Variants in EIF2AK2 observed in about 807,000 individuals in gnomAD.
EIF2AK2 encodes the protein interferon-induced, double-stranded RNA-activated protein kinase.
In EIF2AK2, 40 loss-of-function variants were observed where a neutral mutation model predicts 70.5. The observed-to-expected ratio is 0.57, with a 90% CI of 0.44 to 0.74. The LOEUF (loss-of-function observed/expected upper bound fraction) is 0.74. Ranked by LOEUF, EIF2AK2 falls within the 30% of genes least tolerant of loss-of-function variation. The probability of loss-of-function intolerance (pLI) is 0.00; values close to 1 mark genes in which losing one functional copy is unlikely to be tolerated. For missense variants in EIF2AK2, 555 were observed against 644.3 expected, an observed-to-expected ratio of 0.86 and a Z score of 1.50; for synonymous variants, 198 against 220.9, an observed-to-expected ratio of 0.90 and a Z score of 0.92.
chr2:37,123,657 CA>C (rs1674632562), intron 11 of EIF2AK2, among the ~76,000 whole-genome samples: 1 of 152,164 alleles, frequency 6.6e-6, no homozygotes, highest in South Asian at 2.1e-4. Context: ...CACATTTAGG[CA>C]GCAAGGCTAG....
intron 1 of EIF2AK2, among the ~76,000 whole-genome samples, chr2:37,152,801 T>G (rs537414254): frequency 5.3e-5 from 8 of 152,354 alleles, no homozygotes; most frequent in Non-Finnish European, 7.3e-5. Flanking sequence ...TTGAACATCT[T>G]GAACGAACTT....
chr2:37,149,392 T>C, intron 1 of EIF2AK2: 2 of 524,886 alleles, frequency 3.8e-6, no homozygotes, highest in Non-Finnish European at 6.7e-6. Context: ...GATTGTCAAA[T>C]GACAAAGATT....
At chr2:37,115,659 T>C (rs1674317209) in intron 13 of EIF2AK2, among the ~76,000 whole-genome samples, 1 of 152,122 alleles carries the variant, frequency 6.6e-6, no homozygotes, top group East Asian at 1.9e-4. Flanking sequence ...CAGACATCCT[T>C]AAGATCCCTT....
Position 37,149,093 on chromosome 2 carries a change from G to A in EIF2AK2, c.-183-70C>T, listed in dbSNP as rs557080104. Reference sequence around the variant, plus strand: ...GTTCAGACAGACGAGTGATACCAGCGAAGACTAAGGTCTATGATAGCCAGG... The same window carrying A: ...GTTCAGACAGACGAGTGATACCAGCAAAGACTAAGGTCTATGATAGCCAGG... On this transcript the variant is annotated intron_variant, in intron 1 of 16. Coordinates refer to ENST00000233057, the MANE Select transcript of EIF2AK2 (RefSeq NM_001135651.3). The A allele has an allele frequency of 6.4e-4, 572 of 899,214 alleles. 10 individuals carry two copies. In the South Asian group the frequency reaches 7.2e-3, roughly 11 times the overall value. 55.7% of individuals were successfully genotyped at this position (899,214 alleles called of 1,614,324 possible).
At chr2:37,141,793 A>T in intron 4 of EIF2AK2, 92 bp from the exon 5 acceptor site, 1 of 1,293,502 alleles carries the variant, frequency 7.7e-7, no homozygotes, top group Non-Finnish European at 1.0e-6. Context: ...CTAAATGAGC[A>T]ATTTGAAAGA....
At chr2:37,154,797 G>A (rs1317847272) in intron 1 of EIF2AK2, among the ~76,000 whole-genome samples, 8 of 152,004 alleles carry the variant, frequency 5.3e-5, no homozygotes, top group African/African-American at 1.7e-4. Flanking sequence ...CCTGACCTCA[G>A]GTGATCCACC....
intron 15 of EIF2AK2, 149 bp from the exon 16 acceptor site, chr2:37,107,676 C>T: frequency 2.7e-6 from 2 of 749,484 alleles, no homozygotes; most frequent in Non-Finnish European, 4.3e-6. Context: ...GATTCCCTCT[C>T]TCCTACACTA....
At chr2:37,122,786 CAT>C (rs1674601328) in intron 11 of EIF2AK2, 122 bp from the exon 12 acceptor site, 34 of 1,304,650 alleles carry the variant, frequency 2.6e-5, no homozygotes, top group Non-Finnish European at 3.4e-5. Flanking sequence ...GTGGTTCTCA[CAT>C]AGTTTTAGAA....
At chr2:37,149,246 A>T (rs1185206480) in intron 1 of EIF2AK2, 8 of 1,093,690 alleles carry the variant, frequency 7.3e-6, no homozygotes, top group Non-Finnish European at 1.1e-5. Context: ...CAAGTCACAA[A>T]GTATGAGCAA....
At chr2:37,151,839 G>C (rs573105723) in intron 1 of EIF2AK2, among the ~76,000 whole-genome samples, 1 of 152,378 alleles carries the variant, frequency 6.6e-6, no homozygotes, top group Admixed American at 6.5e-5. Context: ...AACACTCTGG[G>C]AGGCCGAGGC....
Position 37,101,179 on chromosome 2 carries a change from G to A in EIF2AK2, c.*6094C>T, listed in dbSNP as rs1205269584. 2 of 152,118 alleles carry A rather than the reference G, an allele frequency of 1.3e-5. No homozygotes were observed. Among genetic ancestry groups the A allele is most frequent in the East Asian group, 3.9e-4 (2 of 5,188 alleles). 9.4% of individuals were successfully genotyped at this position (152,118 alleles called of 1,614,324 possible). On this transcript the variant is annotated 3_prime_UTR_variant, in exon 17 of 17. Transcript: ENST00000233057. Reference sequence around the variant, plus strand: ...ACATGCTAGTTTCAAAGTATTGGTTGGGCCATACCTTGCTTTAAAGAAATA... The same window carrying A: ...ACATGCTAGTTTCAAAGTATTGGTTAGGCCATACCTTGCTTTAAAGAAATA...
At chr2:37,122,755 T>C (rs955745641) in intron 11 of EIF2AK2, 91 bp from the exon 12 acceptor site, 3 of 1,495,936 alleles carry the variant, frequency 2.0e-6, no homozygotes, top group Non-Finnish European at 2.8e-6. Context: ...ACTGTCTACA[T>C]TCCCTTATTA....
intron 12 of EIF2AK2, among the ~76,000 whole-genome samples, chr2:37,121,229 C>G (rs1158317691): frequency 8.0e-6 from 1 of 125,750 alleles, no homozygotes; most frequent in Non-Finnish European, 1.6e-5. Context: ...CACCACTGCA[C>G]TCCAGCCTGT....
intron 14 of EIF2AK2, among the ~76,000 whole-genome samples, chr2:37,112,962 T>C (rs1052269695): frequency 1.3e-5 from 2 of 152,362 alleles, no homozygotes; most frequent in Middle Eastern, 3.4e-3. Flanking sequence ...TCTGTCTCTA[T>C]GAATTTTCCT....
intron 6 of EIF2AK2, among the ~76,000 whole-genome samples, chr2:37,139,389 G>A (rs1335237069): frequency 6.6e-6 from 1 of 151,538 alleles, no homozygotes; most frequent in African/African-American, 2.4e-5. Flanking sequence ...GGGATTACAG[G>A]TGTGAGCCAC....
intron 14 of EIF2AK2, among the ~76,000 whole-genome samples, chr2:37,114,489 T>C (rs943212890): frequency 2.6e-5 from 4 of 152,148 alleles, no homozygotes; most frequent in Admixed American, 2.6e-4. Flanking sequence ...AATGTACACA[T>C]ATATATGTTT....
At chr2:37,126,249 T>A (rs200983310) in intron 11 of EIF2AK2, 40 bp downstream of exon 11, 104 of 1,550,228 alleles carry the variant, frequency 6.7e-5, no homozygotes, top group Non-Finnish European at 8.8e-5. Flanking sequence ...AGATTCAGCG[T>A]ACCTTGCCAT....
intron 1 of EIF2AK2, among the ~76,000 whole-genome samples, chr2:37,153,468 T>A (rs1466779780): frequency 6.6e-6 from 1 of 151,038 alleles, no homozygotes; most frequent in African/African-American, 2.4e-5. Flanking sequence ...GCCTCCCGAG[T>A]AGCTGGGACC....
chr2:37,121,826 A>AGGTGGGGCAG (rs1674565691), intron 12 of EIF2AK2, among the ~76,000 whole-genome samples: 1 of 152,088 alleles, frequency 6.6e-6, no homozygotes, highest in South Asian at 2.1e-4. Flanking sequence ...ATGGAGATGG[A>AGGTGGGGCAG]GGTGGGGCAG....
Sources: gnomAD v4.1 joint callset for allele counts (sites outside exome capture counted in the v4.1 genomes callset) on GRCh38, gnomAD v4.1.1 for gene constraint, MANE v1.5 for transcripts, NCBI Gene and HGNC (gene_info 2026-07-23, HGNC 2026-07-21) for gene names.